Variants in DOCK1 observed in about 807,000 individuals in gnomAD.
DOCK1 encodes dedicator of cytokinesis protein 1.
Under a neutral mutation model 262.7 loss-of-function variants are expected in DOCK1, and 138 were observed. That is an observed-to-expected ratio of 0.53 (90% CI 0.46 to 0.61). The LOEUF is 0.61. Among genes scored for constraint, DOCK1 ranks in the 20% least tolerant of loss-of-function variants. DOCK1 has a pLI of 0.00. For synonymous variants in DOCK1, 866 were observed against 867.4 expected (o/e 1.00, Z 0.03); for missense variants, 1,908 against 2,370.7 (o/e 0.80, Z 4.05).
At chr10:127,336,221 C>G (rs2063185808) in intron 29 of DOCK1, among the ~76,000 whole-genome samples, 1 of 152,130 alleles carries the variant, frequency 6.6e-6, no homozygotes, top group Non-Finnish European at 1.5e-5. Flanking sequence ...GTGTTTCCGT[C>G]CCGTCAGGTG....
At chr10:127,094,851 A>C (rs2047809636) in intron 23 of DOCK1, among the ~76,000 whole-genome samples, 1 of 152,172 alleles carries the variant, frequency 6.6e-6, no homozygotes, top group Admixed American at 6.5e-5. Flanking sequence ...CTGAATTTTA[A>C]GTGTTTTTCA....
At chr10:126,998,460 G>A in intron 8 of DOCK1, 1 of 537,516 alleles carries the variant, frequency 1.9e-6, no homozygotes, top group Non-Finnish European at 3.3e-6. Flanking sequence ...CGTGTAGATT[G>A]CTATTTGCTC....
intron 27 of DOCK1, among the ~76,000 whole-genome samples, chr10:127,227,476 T>C (rs1019149018): frequency 2.0e-5 from 3 of 152,194 alleles, no homozygotes; most frequent in Admixed American, 6.5e-5. Context: ...ATATGGGCCG[T>C]AGCCTCTAGC....
chr10:126,949,338 T>G (rs1053978071), intron 1 of DOCK1, among the ~76,000 whole-genome samples: 151,612 of 152,188 alleles, frequency 1, 75,523 homozygotes, highest in Middle Eastern at 1. Context: ...CACTTCTTGG[T>G]TGGACATGTT....
rs766026803 is a variant in DOCK1 at position 126,990,476 on chromosome 10, C to T, written c.346C>T (p.Arg116Ter). The change falls in exon 6 of 52, where the codon CGA (arginine) becomes TGA (stop). Residue 116 changes from arginine (R) to a stop codon, truncating the protein, a stop_gained. Transcript: ENST00000623213. LOFTEE classifies it high-confidence loss of function. ...ATAGCAAGATAACAGGGAGATGTTT[C>T]GAAGTGTGCGGCACATGATCTATGA... ...LYVQDNREMF[R>*]SVRHMIYDLI... The T allele has an allele frequency of 1.9e-5, 31 of 1,610,534 alleles. No individual in the cohort carries two copies. The highest frequency in any genetic ancestry group is 2.5e-5 in the Non-Finnish European group (29 of 1,178,354).
intron 35 of DOCK1, among the ~76,000 whole-genome samples, chr10:127,375,111 G>C (rs776771944): frequency 2.0e-5 from 3 of 152,164 alleles, no homozygotes; most frequent in African/African-American, 7.2e-5. Context: ...CCCCCTTCCT[G>C]ATGTCATTGT....
intron 1 of DOCK1, among the ~76,000 whole-genome samples, chr10:126,946,018 A>T (rs1460201236): frequency 1.3e-5 from 2 of 152,250 alleles, no homozygotes; most frequent in Non-Finnish European, 2.9e-5. Flanking sequence ...TTTCTCGAGC[A>T]GTTACTCACA....
chr10:127,046,720 C>G (rs984199672), intron 21 of DOCK1, among the ~76,000 whole-genome samples: 4 of 135,646 alleles, frequency 2.9e-5, no homozygotes, highest in Non-Finnish European at 6.0e-5. Context: ...GAGATCACAG[C>G]ACTGCACTCC....
chr10:127,176,227 T>G lies in DOCK1; in HGVS notation c.2847+48463T>G. The G allele has an allele frequency of 3.1e-6, 5 of 1,614,140 alleles. No individual in the cohort carries two copies. The highest frequency in any genetic ancestry group is 4.2e-6 in the Non-Finnish European group (5 of 1,180,034). ...GACAGCTGTGTGTCCCTCTGCTCAT[T>G]CTGTGCCTCGCAGATATCCTTAAAC... is the stretch of plus-strand genomic sequence containing the variant. On this transcript the variant is annotated intron_variant, in intron 27 of 51. Coordinates refer to ENST00000623213, the MANE Select transcript of DOCK1 (RefSeq NM_001290223.2). This position sits in a 1 kb window ranked among gnomAD's most constrained non-coding sequence, Gnocchi z 4.4.
At chr10:126,997,190 G>T (rs1331997555) in intron 7 of DOCK1, among the ~76,000 whole-genome samples, 1 of 152,132 alleles carries the variant, frequency 6.6e-6, no homozygotes, top group African/African-American at 2.4e-5. Flanking sequence ...TCGGATAATG[G>T]TAGGCAGGTC....
chr10:126,975,521 T>C (rs867371726), intron 2 of DOCK1, among the ~76,000 whole-genome samples: 1 of 152,254 alleles, frequency 6.6e-6, no homozygotes, highest in Non-Finnish European at 1.5e-5. Context: ...CTGTGTACTT[T>C]TCATTTCTCT....
intron 33 of DOCK1, among the ~76,000 whole-genome samples, chr10:127,372,181 C>T (rs991356194): frequency 8.5e-5 from 13 of 152,182 alleles, no homozygotes; most frequent in Non-Finnish European, 1.6e-4. Flanking sequence ...GCCCTGAAAG[C>T]CTTTGTTTCA....
chr10:127,050,646 A>G (rs190511538), intron 21 of DOCK1, among the ~76,000 whole-genome samples: 2 of 151,620 alleles, frequency 1.3e-5, no homozygotes, highest in African/African-American at 4.9e-5. Flanking sequence ...TGGAGGTTTC[A>G]GTGAGCTGAG....
intron 1 of DOCK1, among the ~76,000 whole-genome samples, chr10:126,966,856 C>CT (rs1404855752): frequency 2.2e-4 from 34 of 152,340 alleles, no homozygotes; most frequent in African/African-American, 6.7e-4. Context: ...TGGTTTATCT[C>CT]TGTCTCTTTT....
intron 31 of DOCK1, among the ~76,000 whole-genome samples, chr10:127,353,526 C>A (rs1017036783): frequency 6.6e-6 from 1 of 152,188 alleles, no homozygotes; most frequent in African/African-American, 2.4e-5. Flanking sequence ...AATGCTGGGC[C>A]GTCTCCCCAG....
chr10:126,945,437 A>T (rs2035318852), intron 1 of DOCK1, among the ~76,000 whole-genome samples: 1 of 151,080 alleles, frequency 6.6e-6, no homozygotes. Context: ...GGGGAGAGGG[A>T]AAGAGGGGAG....
chr10:127,041,430 C>G (rs2044005680), intron 19 of DOCK1, among the ~76,000 whole-genome samples: 1 of 152,198 alleles, frequency 6.6e-6, no homozygotes, highest in African/African-American at 2.4e-5. Flanking sequence ...CGATAACATT[C>G]CATCACATGG....
chr10:127,439,120 G>C lies in DOCK1; in HGVS notation c.5154G>C (p.Lys1718Asn), dbSNP rs1051016. The C allele has an allele frequency of 3.1e-6, 5 of 1,591,812 alleles. No homozygotes were observed. The highest frequency in any genetic ancestry group is 4.3e-6 in the Non-Finnish European group (5 of 1,168,898). Residue 1718 changes from lysine (K) to asparagine (N), a missense_variant, in exon 49 of 52, where the codon AAG becomes AAC. Coordinates refer to ENST00000623213, the MANE Select transcript of DOCK1 (RefSeq NM_001290223.2). ...ACCTGGAGAAGGAGAAGAAGGACAA[G>C]AAGAAGGAAAAAAGGAACAGCAAAC... ...KDDLEKEKKD[K>N]KKEKRNSKHQ...
intron 27 of DOCK1, among the ~76,000 whole-genome samples, chr10:127,189,903 A>G (rs980347440): frequency 5.3e-5 from 8 of 152,130 alleles, no homozygotes; most frequent in South Asian, 2.1e-4. Context: ...ACAGAGATCA[A>G]TGGAGTTGAA....
Sources: allele counts gnomAD v4.1 joint callset (sites outside exome capture counted in the v4.1 genomes callset), GRCh38; gene constraint gnomAD v4.1.1; non-coding constraint Gnocchi (gnomAD v3.1); transcripts MANE v1.5; gene names NCBI Gene and HGNC (gene_info 2026-07-23, HGNC 2026-07-21).